Variants in WT1 observed in about 807,000 individuals in gnomAD.
The protein encoded by WT1 is WT1 transcription factor.
WT1 carries 8 observed loss-of-function variants against 60.8 expected under a neutral mutation model. That is an observed-to-expected ratio of 0.13 (90% CI 0.08 to 0.24). WT1 has a LOEUF of 0.24. Among genes scored for constraint, WT1 ranks in the 10% least tolerant of loss-of-function variants. WT1 has a pLI of 1.00. For missense variants in WT1, 568 were observed against 711.8 expected, an observed-to-expected ratio of 0.80 and a Z score of 2.30; for synonymous variants, 312 against 297.1, an observed-to-expected ratio of 1.05 and a Z score of -0.52.
chr11:32,401,384 G>T (rs1048288696), intron 5 of WT1, among the ~76,000 whole-genome samples: 3 of 151,994 alleles, frequency 2.0e-5, no homozygotes, highest in South Asian at 4.1e-4. Flanking sequence ...TGCTGAAAAC[G>T]TCCTAAAATT....
chr11:32,433,218 C>T (rs796115481), intron 1 of WT1, among the ~76,000 whole-genome samples: 19 of 152,300 alleles, frequency 1.2e-4, no homozygotes, highest in African/African-American at 2.9e-4. Context: ...GTAAGTTGTC[C>T]CAACGCCCCT....
chr11:32,412,910 G>C (rs1390257085), intron 5 of WT1, among the ~76,000 whole-genome samples: 1 of 151,966 alleles, frequency 6.6e-6, no homozygotes, highest in African/African-American at 2.4e-5. Context: ...AGTCACACAA[G>C]TATATCCCAC....
intron 1 of WT1, among the ~76,000 whole-genome samples, chr11:32,432,195 C>A (rs1006016537): frequency 2.0e-5 from 3 of 152,212 alleles, no homozygotes; most frequent in Non-Finnish European, 2.9e-5. Context: ...CCAACAATTG[C>A]CCCTGCCTGT....
chr11:32,390,685 C>T (rs1851791077), intron 9 of WT1, among the ~76,000 whole-genome samples: 1 of 152,212 alleles, frequency 6.6e-6, no homozygotes, highest in African/African-American at 2.4e-5. Flanking sequence ...TCCTAATGGA[C>T]TAATCCCAAC....
At chr11:32,433,360 G>C (rs1019210065) in intron 1 of WT1, among the ~76,000 whole-genome samples, 1 of 152,236 alleles carries the variant, frequency 6.6e-6, no homozygotes, top group African/African-American at 2.4e-5. Flanking sequence ...TTTCTCCAAG[G>C]CTTCGCGGGG....
At chr11:32,403,262 T>A (rs566571048) in intron 5 of WT1, among the ~76,000 whole-genome samples, 1 of 152,090 alleles carries the variant, frequency 6.6e-6, no homozygotes, top group African/African-American at 2.4e-5. Flanking sequence ...CACTTCCCAA[T>A]GTAGTGTGCC....
intron 5 of WT1, among the ~76,000 whole-genome samples, chr11:32,407,405 C>G (rs1852347772): frequency 6.6e-6 from 1 of 152,052 alleles, no homozygotes. Context: ...CCCTTATCAA[C>G]AGAAGAAGTA....
intron 1 of WT1, chr11:32,430,888 T>C (rs925625678): frequency 1.7e-6 from 2 of 1,148,306 alleles, no homozygotes; most frequent in Non-Finnish European, 1.1e-6. Context: ...GCGCTGTCCC[T>C]GGGCCCAGCG....
chr11:32,434,385 C>T (rs904506070), intron 1 of WT1, among the ~76,000 whole-genome samples: 1 of 152,364 alleles, frequency 6.6e-6, no homozygotes, highest in East Asian at 1.9e-4. Flanking sequence ...GCGCCGGTCT[C>T]CTGGTTCCAC....
Position 32,388,766 on chromosome 11 carries a change from G to T in WT1, c.*292C>A. On this transcript the variant is annotated 3_prime_UTR_variant, in exon 10 of 10. Transcript: ENST00000452863. The stretch of plus-strand genomic sequence containing the variant: ...GGGTCAGGGGGACATGATCAGCTAT[G>T]GCTCTTCTTACAGTAGAAAATCCAC... 7.9e-6 allele frequency: 4 copies of T among 503,832 alleles called. No homozygotes were observed. Among genetic ancestry groups the T allele is most frequent in the South Asian group, 2.2e-5 (1 of 44,922 alleles). 31.2% of individuals were successfully genotyped at this position (503,832 alleles called of 1,614,324 possible).
chr11:32,417,498 A>G (rs2133036026), intron 4 of WT1, 79 bp downstream of exon 4: 1 of 1,335,334 alleles, frequency 7.5e-7, no homozygotes, highest in Non-Finnish European at 1.1e-6. Flanking sequence ...TACTTTCTTC[A>G]TAAGTTCTAA....
chr11:32,416,132 A>C (rs1852661166), intron 5 of WT1, among the ~76,000 whole-genome samples: 1 of 152,218 alleles, frequency 6.6e-6, no homozygotes, highest in Non-Finnish European at 1.5e-5. Flanking sequence ...AATAAAGAAG[A>C]AGCAAGTTAA....
chr11:32,433,531 A>T, intron 1 of WT1, among the ~76,000 whole-genome samples: 1 of 152,232 alleles, frequency 6.6e-6, no homozygotes, highest in African/African-American at 2.4e-5. Flanking sequence ...TTCCAAAAAC[A>T]TCCCGGTCCC....
intron 6 of WT1, among the ~76,000 whole-genome samples, chr11:32,397,351 C>T (rs769380751): frequency 6.6e-6 from 1 of 152,150 alleles, no homozygotes; most frequent in Non-Finnish European, 1.5e-5. Context: ...GGATCTTATT[C>T]TGTTGTCCAG....
At chr11:32,420,450 A>G (rs760323136) in intron 3 of WT1, among the ~76,000 whole-genome samples, 1 of 152,234 alleles carries the variant, frequency 6.6e-6, no homozygotes. Context: ...TACAGATAAT[A>G]TACTTTAATT....
At chr11:32,399,802 C>T (rs1382607019) in intron 6 of WT1, 146 bp downstream of exon 6, 3 of 862,292 alleles carry the variant, frequency 3.5e-6, no homozygotes, top group South Asian at 1.5e-5. Flanking sequence ...ACCCAGGGGA[C>T]GAGCAGGTGT....
intron 1 of WT1, 140 bp downstream of exon 1, chr11:32,434,560 G>A: frequency 6.7e-7 from 1 of 1,491,228 alleles, no homozygotes; most frequent in Non-Finnish European, 8.9e-7. Context: ...CCCAGCCGCC[G>A]CTTCCGCTAT....
intron 1 of WT1, among the ~76,000 whole-genome samples, chr11:32,432,857 TA>T (rs1451379344): frequency 6.6e-6 from 1 of 152,188 alleles, no homozygotes; most frequent in Non-Finnish European, 1.5e-5. Flanking sequence ...CTAGAAGTAC[TA>T]AAAAGATAAT....
chr11:32,417,949 T>G (rs1852731629), intron 3 of WT1, among the ~76,000 whole-genome samples: 1 of 152,072 alleles, frequency 6.6e-6, no homozygotes, highest in African/African-American at 2.4e-5. Context: ...GGGAAAAGGC[T>G]AAGGGGAGTG....
Sources: allele counts gnomAD v4.1 joint callset (sites outside exome capture counted in the v4.1 genomes callset), GRCh38; gene constraint gnomAD v4.1.1; transcripts MANE v1.5; gene names NCBI Gene and HGNC (gene_info 2026-07-23, HGNC 2026-07-21).